Variants in VPS52 observed in about 807,000 individuals in gnomAD.
VPS52 encodes the protein vacuolar protein sorting-associated protein 52 homolog.
VPS52 carries 56 observed loss-of-function variants against 98.7 expected under a neutral mutation model. That is an observed-to-expected ratio of 0.57 (90% CI 0.46 to 0.71). The LOEUF is 0.71. Ranked by LOEUF, VPS52 falls within the 30% of genes least tolerant of loss-of-function variation. The probability of loss-of-function intolerance (pLI) is 0.00; values close to 1 mark genes in which losing one functional copy is unlikely to be tolerated. For missense variants in VPS52, 742 were observed against 925.9 expected (o/e 0.80, Z 2.58); for synonymous variants, 348 against 346.4 (o/e 1.00, Z -0.05).
At position 33,251,505 on chromosome 6, in the gene VPS52, A is replaced by C; in HGVS notation, c.2025+13T>G. The C allele has an allele frequency of 6.5e-7, 1 of 1,539,076 alleles. No homozygotes were observed. Reference sequence around the variant, plus strand: ...ATGGGGGATCTGAGTGGGGCCTGGGACTTGCAGGTCACCTGAATGATACTG... The same window carrying C: ...ATGGGGGATCTGAGTGGGGCCTGGGCCTTGCAGGTCACCTGAATGATACTG... On this transcript the variant is annotated intron_variant, in intron 19 of 19. Transcript: ENST00000445902.
In VPS52 at chr6:33,250,847, G is replaced by A; in HGVS notation, c.2166C>T (p.Asn722=). Residue 722 remains asparagine, a synonymous_variant, in exon 20 of 20, where the codon AAC becomes AAT. Coordinates refer to ENST00000445902, the MANE Select transcript of VPS52 (RefSeq NM_022553.6). ...CAGGGCGGTTTCTGGCACATCAGAAGTTGGGCTTATGCTTCTTGAGCTCCA... is the reference window on the plus strand; with the variant it reads ...CAGGGCGGTTTCTGGCACATCAGAAATTGGGCTTATGCTTCTTGAGCTCCA... ...LMVELKKHKP[N]F is the part of the protein sequence containing the mutation. The A allele has an allele frequency of 3.1e-6, 5 of 1,611,080 alleles. No individual in the cohort carries two copies. Among genetic ancestry groups the A allele is most frequent in the Non-Finnish European group, 4.2e-6 (5 of 1,178,470 alleles).
At position 33,271,748 on chromosome 6, in the gene VPS52, A is replaced by G. The variant is rs1241007067; in HGVS notation, c.-73T>C. 6 of 1,521,928 alleles carry G rather than the reference A, an allele frequency of 3.9e-6. No homozygotes were observed. Among genetic ancestry groups the G allele is most frequent in the Non-Finnish European group, 5.3e-6 (6 of 1,132,840 alleles). 94.3% of individuals were successfully genotyped at this position (1,521,928 alleles called of 1,614,324 possible). ...CCCCGGAGTGGAGCTACAAGTCCCA[A>G]AGGGTCTTCCTCAGCGCGAAATCGT... On this transcript the variant is annotated 5_prime_UTR_variant, in exon 1 of 20. Transcript: ENST00000445902.
At chr6:33,252,022 GC>G in intron 17 of VPS52, 51 bp from the exon 18 acceptor site, 1 of 1,504,316 alleles carries the variant, frequency 6.6e-7, no homozygotes, top group Non-Finnish European at 9.2e-7. Flanking sequence ...CAGCAGATTT[GC>G]CCAATTCTGG....
At chr6:33,271,955 C>G (rs1038683176), upstream of VPS52, 2 of 1,070,130 alleles carry the variant, frequency 1.9e-6, no homozygotes, top group Middle Eastern at 3.0e-4. Flanking sequence ...TTGTGGTACC[C>G]AAGCCATACT....
Position 33,250,620 on chromosome 6 carries a change from G to C in VPS52, c.*221C>G, listed in dbSNP as rs1037537802. On this transcript the variant is annotated 3_prime_UTR_variant, in exon 20 of 20. Transcript: ENST00000445902. ...GGCCATTTTGGAAGCCCACAGGGAA[G>C]TGGTCTTGGGAAACCTGAAGACACT... 1 of 565,166 alleles carries C rather than the reference G, an allele frequency of 1.8e-6. No homozygotes were observed. The highest frequency in any genetic ancestry group is 1.9e-5 in the African/African-American group (1 of 52,886). The allele number at this position is 565,166 out of a possible 1,614,324, so 35.0% of individuals were successfully genotyped here. A position where few individuals can be genotyped will look rare whatever the true frequency, so the allele number is the denominator to read the frequency against.
At chr6:33,251,118 C>T (rs1034121881) in intron 19 of VPS52, 131 bp from the exon 20 acceptor site, 88 of 1,296,640 alleles carry the variant, frequency 6.8e-5, no homozygotes, top group African/African-American at 1.0e-4. Flanking sequence ...CCATGGCGGG[C>T]AGATCACGAG....
In VPS52 at chr6:33,270,039, G is replaced by A; in HGVS notation, c.188C>T (p.Ala63Val). 1 of 1,614,162 alleles carries A rather than the reference G, an allele frequency of 6.2e-7. No homozygotes were observed. ...CTTTACTAACTCATCCTCCAGATTTGCCTGAATGTGAACTGGAAATAGAAG... is the reference window on the plus strand; with the variant it reads ...CTTTACTAACTCATCCTCCAGATTTACCTGAATGTGAACTGGAAATAGAAG... ...ILDEVDVHIQ[A>V]NLEDELVKEA... The change falls in exon 3 of 20, where the codon GCA becomes GTA. Residue 63 changes from alanine to valine, a missense_variant. Physicochemically the swap from Ala to Val is moderately conservative, Grantham distance 64. Around this residue, in one of 2 missense-constraint regions of VPS52, gnomAD observed 152 missense variants for 132.6 expected, o/e 1.15. Coordinates refer to ENST00000445902, the MANE Select transcript of VPS52 (RefSeq NM_022553.6).
At chr6:33,251,102 G>A in intron 19 of VPS52, 115 bp from the exon 20 acceptor site, 1 of 1,435,588 alleles carries the variant, frequency 7.0e-7, no homozygotes, top group East Asian at 2.3e-5. Flanking sequence ...CCAGCACTGT[G>A]GGAGGCCATG....
intron 16 of VPS52, 57 bp downstream of exon 16, chr6:33,263,715 C>T: frequency 1.2e-6 from 2 of 1,603,874 alleles, no homozygotes; most frequent in Admixed American, 3.3e-5. Context: ...GAGCTAACAG[C>T]AGTGGGGGAA....
At chr6:33,260,032 A>C (rs1370460980) in intron 17 of VPS52, among the ~76,000 whole-genome samples, 1 of 152,266 alleles carries the variant, frequency 6.6e-6, no homozygotes, top group Non-Finnish European at 1.5e-5. Flanking sequence ...AACAATGCTC[A>C]CAGAAGCAAG....
At chr6:33,266,160 AT>A (rs9280390) in intron 12 of VPS52, among the ~76,000 whole-genome samples, 36,345 of 119,610 alleles carry the variant, frequency 0.3, 4,663 homozygotes, top group East Asian at 0.55. Context: ...GCACCTGGCT[AT>A]TTTTTTTTTT....
Position 33,251,654 on chromosome 6 carries a change from C to T in VPS52, c.1907-18G>A. 6.3e-7 allele frequency: 1 copy of T among 1,594,384 alleles called. No homozygotes were observed. Among genetic ancestry groups the T allele is most frequent in the Non-Finnish European group, 8.6e-7 (1 of 1,163,706 alleles). On this transcript the variant is annotated intron_variant, in intron 18 of 19. Coordinates refer to ENST00000445902, the MANE Select transcript of VPS52 (RefSeq NM_022553.6). ...TACCCGGGCTAATAGCAGGAGGAAA[C>T]AGTGTCAGAGAGGGATCTGGCTGAT... is the stretch of plus-strand genomic sequence containing the variant.
intron 17 of VPS52, among the ~76,000 whole-genome samples, chr6:33,262,067 CT>C (rs1303047708): frequency 1.2e-5 from 1 of 83,424 alleles, no homozygotes; most frequent in African/African-American, 4.8e-5. Flanking sequence ...AAAAAAAAAG[CT>C]TCTGCACAGC....
intron 17 of VPS52, among the ~76,000 whole-genome samples, chr6:33,256,536 G>C (rs983886199): frequency 5.7e-5 from 8 of 141,426 alleles, no homozygotes; most frequent in African/African-American, 1.8e-4. Flanking sequence ...ATCATGGATA[G>C]GAAGTTTCAA....
chr6:33,258,615 C>T (rs1344314247), intron 17 of VPS52, among the ~76,000 whole-genome samples: 1 of 152,088 alleles, frequency 6.6e-6, no homozygotes, highest in Non-Finnish European at 1.5e-5. Flanking sequence ...GAGAGAGTCA[C>T]GCTCTGTAAC....
chr6:33,260,827 C>T (rs1192749555), intron 17 of VPS52, among the ~76,000 whole-genome samples: 1 of 151,838 alleles, frequency 6.6e-6, no homozygotes, highest in East Asian at 1.9e-4. Flanking sequence ...ATGGTGAAAC[C>T]CCATCTCTAC....
At position 33,267,067 on chromosome 6, in the gene VPS52, C is replaced by T; in HGVS notation, c.1125+121G>A. 7.3e-7 allele frequency: 1 copy of T among 1,365,310 alleles called. No individual in the cohort carries two copies. Among genetic ancestry groups the T allele is most frequent in the Non-Finnish European group, 9.6e-7 (1 of 1,036,774 alleles). The allele number at this position is 1,365,310 out of a possible 1,614,324, so 84.6% of individuals were successfully genotyped here. A position where few individuals can be genotyped will look rare whatever the true frequency, so the allele number is the denominator to read the frequency against. On this transcript the variant is annotated intron_variant, in intron 11 of 19. Coordinates refer to ENST00000445902, the MANE Select transcript of VPS52 (RefSeq NM_022553.6). The surrounding 1 kb of genome is among the most constrained non-coding windows in gnomAD (Gnocchi z 4.2). Reference sequence around the variant, plus strand: ...GCTGGAGTGATTGGAGAAGGCCACTCCCAAGTCTAAGGGGATTAAGACAGG... The same window carrying T: ...GCTGGAGTGATTGGAGAAGGCCACTTCCAAGTCTAAGGGGATTAAGACAGG...
At position 33,263,756 on chromosome 6, in the gene VPS52, A is replaced by G. The variant is rs1240366059; in HGVS notation, c.1728+16T>C. ...ATTTTCTGGGTAGGAAGGCAAGGAG[A>G]AGGAGCACCTATTACCATCAGCACA... On this transcript the variant is annotated intron_variant, in intron 16 of 19. Coordinates refer to ENST00000445902, the MANE Select transcript of VPS52 (RefSeq NM_022553.6). The G allele has an allele frequency of 8.1e-6, 13 of 1,613,918 alleles. No individual in the cohort carries two copies. The African/African-American group carries it at 9.3e-5, about 12-fold the overall frequency.
intron 17 of VPS52, among the ~76,000 whole-genome samples, chr6:33,258,726 C>T (rs1422917237): frequency 6.6e-6 from 1 of 152,126 alleles, no homozygotes; most frequent in African/African-American, 2.4e-5. Flanking sequence ...CGCCACTATG[C>T]CTGGTTAATT....
Sources: allele counts gnomAD v4.1 joint callset (sites outside exome capture counted in the v4.1 genomes callset), GRCh38; gene constraint gnomAD v4.1.1; regional missense constraint gnomAD v4.1.1; non-coding constraint Gnocchi (gnomAD v3.1); transcripts MANE v1.5; gene names NCBI Gene and HGNC (gene_info 2026-07-23, HGNC 2026-07-21).